Variants in ELN observed in about 807,000 individuals in gnomAD.
ELN encodes the protein elastin.
In ELN, 65 loss-of-function variants were observed where a neutral mutation model predicts 105.8. The observed-to-expected ratio is 0.61, with a 90% CI of 0.50 to 0.75. The LOEUF is 0.75. Among genes scored for constraint, ELN ranks in the 30% least tolerant of loss-of-function variants. The pLI is 0.00. For missense variants in ELN, 882 were observed against 969.4 expected (o/e 0.91, Z 1.20); for synonymous variants, 368 against 389.2 (o/e 0.95, Z 0.64).
rs782300906 is a variant in ELN, at chr7:74,036,523, T to A, written c.134-32T>A. 3.7e-6 allele frequency: 6 copies of A among 1,613,620 alleles called. No homozygotes were observed. In the South Asian group the frequency reaches 5.5e-5, roughly 15 times the overall value. Reference sequence around the variant, plus strand: ...CGGGCTTGCCTGGCAGAAGTACCGATGATCTCTCTTTCTCTTTCTCTCCCC... The same window carrying A: ...CGGGCTTGCCTGGCAGAAGTACCGAAGATCTCTCTTTCTCTTTCTCTCCCC... On this transcript the variant is annotated intron_variant, in intron 2 of 32. Transcript: ENST00000252034.
chr7:74,056,284 A>C lies in ELN; in HGVS notation c.1164A>C (p.Gly388=). Reference sequence around the variant, plus strand: ...TTCCCTCTGCAGGGGCCAGGCCCGGAGTCGGAGTTGGAGGCATTCCTACTT... The same window carrying C: ...TTCCCTCTGCAGGGGCCAGGCCCGGCGTCGGAGTTGGAGGCATTCCTACTT... ...AKAAKYGARP[G]VGVGGIPTYG... Residue 388 remains glycine (G), a synonymous_variant, in exon 20 of 33, where the codon GGA becomes GGC. Transcript: ENST00000252034. The C allele has an allele frequency of 6.2e-7, 1 of 1,613,716 alleles. No individual in the cohort carries two copies. The highest frequency in any genetic ancestry group is 8.5e-7 in the Non-Finnish European group (1 of 1,179,928).
chr7:74,043,307 G>A, intron 8 of ELN, 139 bp downstream of exon 8: 1 of 1,293,862 alleles, frequency 7.7e-7, no homozygotes. Flanking sequence ...AAACTAGCCA[G>A]GCTGGTGCCT....
At chr7:74,054,359 A>T (rs1461725295) in intron 18 of ELN, among the ~76,000 whole-genome samples, 1 of 151,964 alleles carries the variant, frequency 6.6e-6, no homozygotes, top group Non-Finnish European at 1.5e-5. Flanking sequence ...AATCCTAGCT[A>T]CTTGGGAGGC....
chr7:74,054,901 C>T, intron 19 of ELN, 132 bp downstream of exon 19: 3 of 962,100 alleles, frequency 3.1e-6, no homozygotes, highest in Non-Finnish European at 4.9e-6. Context: ...ACCAGCAGGC[C>T]TCAGGACAAT....
chr7:74,046,929 C>G (rs1792700735), intron 12 of ELN, among the ~76,000 whole-genome samples, 162 bp downstream of exon 12: 1 of 152,138 alleles, frequency 6.6e-6, no homozygotes, highest in Non-Finnish European at 1.5e-5. Flanking sequence ...ACTAAAGATA[C>G]AAAAATTAGC....
Position 74,046,421 on chromosome 7 carries a change from G to A in ELN, c.571+204G>A, listed in dbSNP as rs565203595. Among the ~76,000 whole-genome samples the A allele has an allele frequency of 2.6e-5, 4 of 152,370 alleles. 1 individual carries two copies. The South Asian group carries it at 8.3e-4, about 32-fold the overall frequency. On this transcript the variant is annotated intron_variant, in intron 11 of 32. Coordinates refer to ENST00000252034, the MANE Select transcript of ELN (RefSeq NM_000501.4). ...TGGCATAGCAGCCCAAAATTCAAAG[G>A]AGTCCAGAAAACCCTCCAGCCTGTG... is the stretch of plus-strand genomic sequence containing the variant.
intron 1 of ELN, among the ~76,000 whole-genome samples, chr7:74,033,637 T>C (rs543194669): frequency 1.3e-5 from 2 of 152,318 alleles, no homozygotes; most frequent in South Asian, 2.1e-4. Flanking sequence ...CCGGTGGCTG[T>C]GACAGCTCCA....
rs782365158 is a variant in ELN at position 74,056,291 on chromosome 7, G to T, written c.1171G>T (p.Val391Phe). 1 of 1,612,734 alleles carries T rather than the reference G, an allele frequency of 6.2e-7. No homozygotes were observed. Among genetic ancestry groups the T allele is most frequent in the Non-Finnish European group, 8.5e-7 (1 of 1,178,914 alleles). The change falls in exon 20 of 33, where the codon GTT becomes TTT. Residue 391 changes from valine to phenylalanine, a missense_variant. Physicochemically the swap from Val to Phe is conservative, Grantham distance 50 (BLOSUM62 -1). Transcript: ENST00000252034. ...AKYGARPGVG[V>F]GGIPTYGVGA... ...TGCAGGGGCCAGGCCCGGAGTCGGA[G>T]TTGGAGGCATTCCTACTTACGGGGT...
intron 18 of ELN, among the ~76,000 whole-genome samples, chr7:74,054,148 G>C (rs1794743992): frequency 1.3e-5 from 2 of 152,154 alleles, no homozygotes; most frequent in African/African-American, 4.8e-5. Flanking sequence ...TTAGGTGGTT[G>C]GGTGGGTGGA....
chr7:74,048,111 C>G (rs782538874), intron 13 of ELN, 31 bp from the exon 14 acceptor site: 1 of 1,613,794 alleles, frequency 6.2e-7, no homozygotes, highest in East Asian at 2.2e-5. Flanking sequence ...GATGTCTGCA[C>G]AGATGACCAT....
chr7:74,037,684 A>G, intron 3 of ELN, 23 bp from the exon 4 acceptor site: 1 of 1,610,220 alleles, frequency 6.2e-7, no homozygotes, highest in East Asian at 2.2e-5. Flanking sequence ...CACCCCATTC[A>G]CTATCTTCTC....
intron 25 of ELN, 53 bp downstream of exon 25, chr7:74,060,554 T>A (rs782158383): frequency 6.2e-7 from 1 of 1,613,670 alleles, no homozygotes; most frequent in Non-Finnish European, 8.5e-7. Flanking sequence ...GGGAAGGAGA[T>A]CCCTCCTCCT....
In ELN at chr7:74,057,637, C is replaced by T. The variant is rs1238105029; in HGVS notation, c.1358-3C>T. ...CTCTCACCCCTTCTCTTCACACCTC[C>T]AGGAGTGGGGACCCCAGCAGCTGCA... On this transcript the variant is annotated splice_region_variant and splice_polypyrimidine_tract_variant and intron_variant, in intron 21 of 32. Transcript: ENST00000252034. The T allele has an allele frequency of 6.2e-7, 1 of 1,613,964 alleles. No individual in the cohort carries two copies. The highest frequency in any genetic ancestry group is 1.3e-5 in the African/African-American group (1 of 74,924).
intron 10 of ELN, chr7:74,045,978 T>A (rs1554671848): frequency 1.6e-6 from 1 of 614,122 alleles, no homozygotes; most frequent in South Asian, 2.0e-5. Flanking sequence ...GAGGTTGCGG[T>A]GAGTTGAGAT....
chr7:74,050,630 C>A (rs1428392148), intron 15 of ELN, among the ~76,000 whole-genome samples: 1 of 152,154 alleles, frequency 6.6e-6, no homozygotes, highest in African/African-American at 2.4e-5. Context: ...TTCATTCATT[C>A]ATTCATTCAT....
intron 2 of ELN, 101 bp from the exon 3 acceptor site, chr7:74,036,454 C>T (rs985544376): frequency 1.4e-5 from 22 of 1,521,898 alleles, no homozygotes; most frequent in Admixed American, 3.3e-5. Flanking sequence ...CCCAAGGTCA[C>T]GTAGTTAGGC....
chr7:74,052,040 G>A (rs2131862372), intron 17 of ELN, 57 bp downstream of exon 17: 1 of 1,600,748 alleles, frequency 6.2e-7, no homozygotes, highest in South Asian at 1.1e-5. Flanking sequence ...AGACCTCGGA[G>A]ACCCTAGCCG....
chr7:74,032,600 G>A (rs969700847), intron 1 of ELN, among the ~76,000 whole-genome samples: 4 of 152,184 alleles, frequency 2.6e-5, no homozygotes, highest in Non-Finnish European at 5.9e-5. Flanking sequence ...GGCTCCCCAG[G>A]CCGTCAGGTT....
At position 74,069,581 on chromosome 7, in the gene ELN, C is replaced by T. The variant is rs781798908; in HGVS notation, c.*881C>T. ...TACTGTATACCCCCCATCCCTCCCT[C>T]GGTCCACTGAACTTCAGAGCAGTTC... is the stretch of plus-strand genomic sequence containing the variant. On this transcript the variant is annotated 3_prime_UTR_variant, in exon 33 of 33. Transcript: ENST00000252034. 4.3e-6 allele frequency: 1 copy of T among 233,634 alleles called. No individual in the cohort carries two copies. The highest frequency in any genetic ancestry group is 6.0e-5 in the East Asian group (1 of 16,566). The allele number at this position is 233,634 out of a possible 1,614,324, so 14.5% of individuals were successfully genotyped here. A position where few individuals can be genotyped will look rare whatever the true frequency, so the allele number is the denominator to read the frequency against.
Sources: gnomAD v4.1 joint callset for allele counts (sites outside exome capture counted in the v4.1 genomes callset) on GRCh38, gnomAD v4.1.1 for gene constraint, MANE v1.5 for transcripts, NCBI Gene and HGNC (gene_info 2026-07-23, HGNC 2026-07-21) for gene names.